INTS15: variants seen among roughly 807,000 people sequenced by gnomAD.
INTS15 encodes the protein uncharacterized protein C7orf26.
the INTS15 span, chr7:6,602,682 A>C: frequency 4.2e-6 from 2 of 470,994 alleles, no homozygotes; most frequent in East Asian, 6.9e-5. Context: ...TGAGGATGAG[A>C]CCCAGTGGTG....
At chr7:6,592,481 C>T in the INTS15 span, among the ~76,000 whole-genome samples, 1 of 150,966 alleles carries the variant, frequency 6.6e-6, no homozygotes, top group Non-Finnish European at 1.5e-5. Flanking sequence ...GCAGGAGAAT[C>T]GTGTGAATAT....
At chr7:6,600,166 C>A in the INTS15 span, 5 of 1,614,210 alleles carry the variant, frequency 3.1e-6, no homozygotes, top group Middle Eastern at 1.6e-4. Flanking sequence ...TGCACCTGAC[C>A]GAGAAGAATC....
the INTS15 span, chr7:6,607,478 C>G: frequency 2.4e-6 from 3 of 1,258,064 alleles, no homozygotes; most frequent in Non-Finnish European, 3.2e-6. The surrounding 1 kb of genome is among the most constrained non-coding windows in gnomAD (Gnocchi z 6.0). Context: ...TCTGTAACGG[C>G]TGGGTCCAGG....
At chr7:6,601,575 C>T in the INTS15 span, among the ~76,000 whole-genome samples, 2 of 151,876 alleles carry the variant, frequency 1.3e-5, no homozygotes, top group East Asian at 1.9e-4. Flanking sequence ...GGATTACAGG[C>T]GTGAGCCACT....
At chr7:6,600,697 G>T in the INTS15 span, among the ~76,000 whole-genome samples, 1 of 151,952 alleles carries the variant, frequency 6.6e-6, no homozygotes, top group East Asian at 1.9e-4. Context: ...TCACGCTGTT[G>T]TCCAGACTGT....
the INTS15 span, chr7:6,590,050 A>G: frequency 1.2e-5 from 3 of 252,866 alleles, no homozygotes; most frequent in South Asian, 3.5e-4. Flanking sequence ...GCGCGGCGGC[A>G]GCTCCCGGCG....
the INTS15 span, among the ~76,000 whole-genome samples, chr7:6,595,454 G>A: frequency 6.6e-6 from 1 of 152,128 alleles, no homozygotes; most frequent in Non-Finnish European, 1.5e-5. Flanking sequence ...GTGAGCCATT[G>A]CACCCAGCCT....
At chr7:6,608,024 T>C in the INTS15 span, 4 of 1,598,840 alleles carry the variant, frequency 2.5e-6, no homozygotes, top group South Asian at 1.1e-5. Context: ...CCCCCCGGGG[T>C]TCTACCCCCA....
At chr7:6,596,050 CT>C in the INTS15 span, among the ~76,000 whole-genome samples, 2 of 148,350 alleles carry the variant, frequency 1.3e-5, no homozygotes, top group East Asian at 3.9e-4. Flanking sequence ...TTTGAGCCTT[CT>C]TTTTTTTTTT....
the INTS15 span, among the ~76,000 whole-genome samples, chr7:6,598,735 T>TGTGTGTGTGTGTGTGTG: frequency 1.2e-5 from 1 of 83,618 alleles, no homozygotes; most frequent in African/African-American, 5.1e-5. Context: ...GCTGTATGCT[T>TGTGTGTGTGTGTGTGTG]TGTGTGTGTG....
chr7:6,600,209 C>T, the INTS15 span: 1 of 1,614,178 alleles, frequency 6.2e-7, no homozygotes. Flanking sequence ...CCTCTTCGAC[C>T]ACATGGTCCC....
At chr7:6,599,015 TGAACTCAA>T in the INTS15 span, among the ~76,000 whole-genome samples, 39 of 152,124 alleles carry the variant, frequency 2.6e-4, no homozygotes, top group African/African-American at 8.9e-4. Flanking sequence ...TTCGAACTCC[TGAACTCAA>T]GTGATCCTCC....
chr7:6,603,320 G>C, the INTS15 span, among the ~76,000 whole-genome samples: 1 of 152,014 alleles, frequency 6.6e-6, no homozygotes, highest in Non-Finnish European at 1.5e-5. Flanking sequence ...GAACGAGGCA[G>C]GTGGATCACT....
chr7:6,607,564 G>A, the INTS15 span: 2 of 1,338,442 alleles, frequency 1.5e-6, no homozygotes, highest in African/African-American at 1.5e-5. The surrounding 1 kb of genome is among the most constrained non-coding windows in gnomAD (Gnocchi z 6.0). Context: ...TCGTTTGCAA[G>A]GCCAGCTTCC....
At chr7:6,603,128 TA>T in the INTS15 span, among the ~76,000 whole-genome samples, 1 of 151,684 alleles carries the variant, frequency 6.6e-6, no homozygotes, top group East Asian at 1.9e-4. Flanking sequence ...TGCGCACCTG[TA>T]ATCCCGGCTA....
the INTS15 span, among the ~76,000 whole-genome samples, chr7:6,598,776 TGTGTGTGTG>T: frequency 9.8e-6 from 1 of 101,876 alleles, no homozygotes; most frequent in African/African-American, 5.3e-5. Context: ...TGTGTGTGTG[TGTGTGTGTG>T]TATTTTTTTT....
chr7:6,594,380 T>A, the INTS15 span: 2 of 1,583,648 alleles, frequency 1.3e-6, no homozygotes, highest in South Asian at 1.1e-5. Flanking sequence ...GCATAGTTGC[T>A]GGTCTACTCA....
chr7:6,602,036 G>T, the INTS15 span: 62,357 of 1,402,218 alleles, frequency 0.044, 1,508 homozygotes, highest in Non-Finnish European at 0.05. Context: ...TGCAAAGAAC[G>T]TCAGTGTGTA....
At chr7:6,591,593 A>T in the INTS15 span, 2 of 1,516,490 alleles carry the variant, frequency 1.3e-6, no homozygotes, top group Admixed American at 1.7e-5. Flanking sequence ...GTATGAGTTA[A>T]TAAGTACGTT....
Sources: gnomAD v4.1 joint callset for allele counts (sites outside exome capture counted in the v4.1 genomes callset) on GRCh38, gnomAD v4.1.1 for gene constraint, Gnocchi (gnomAD v3.1) non-coding constraint, MANE v1.5 for transcripts, NCBI Gene and HGNC (gene_info 2026-07-23, HGNC 2026-07-21) for gene names.